The following MED13 variants were observed in gnomAD, a reference collection of about 807,000 sequenced individuals.
MED13 encodes the protein mediator complex subunit 13.
MED13 carries 23 observed loss-of-function variants against 225.2 expected under a neutral mutation model. The observed-to-expected ratio is 0.10, with a 90% confidence interval of 0.07 to 0.14. The LOEUF (loss-of-function observed/expected upper bound fraction) is 0.14, where lower values mean the gene tolerates loss of function less well. Ranked by LOEUF, MED13 falls within the 10% of genes least tolerant of loss-of-function variation. MED13 has a pLI of 1.00. For missense variants in MED13, 2,197 were observed against 2,594.5 expected, an observed-to-expected ratio of 0.85 and a Z score of 3.33; for synonymous variants, 942 against 889.2, an observed-to-expected ratio of 1.06 and a Z score of -1.06.
intron 9 of MED13, chr17:62,006,470 C>G (rs1197299371): frequency 6.6e-6 from 1 of 152,074 alleles, no homozygotes; most frequent in Non-Finnish European, 1.5e-5. Flanking sequence ...GTTGCCTTCC[C>G]TTCCAAAAAT....
intron 27 of MED13, among the ~76,000 whole-genome samples, chr17:61,952,243 G>A (rs964089283): frequency 3.9e-5 from 6 of 152,074 alleles, no homozygotes; most frequent in Admixed American, 1.3e-4. Flanking sequence ...AGCCCAGTTC[G>A]TTTTTACTTC....
Position 61,971,283 on chromosome 17 carries a change from T to C in MED13, c.3967+1444A>G, listed in dbSNP as rs563889035. Among the ~76,000 whole-genome samples the C allele has an allele frequency of 5.4e-4, 82 of 151,112 alleles. 1 individual carries two copies. The highest frequency in any genetic ancestry group is 5.4e-3 in the Admixed American group (82 of 15,202). On this transcript the variant is annotated intron_variant, in intron 17 of 29. Transcript: ENST00000397786. ...AAATAAATAAATATCTACTTTTTTT[T>C]TTTTTTTTTTGAGATGGAGTTTCGC...
chr17:62,061,774 A>G (rs1421104578), intron 2 of MED13, among the ~76,000 whole-genome samples: 3 of 152,236 alleles, frequency 2.0e-5, no homozygotes, highest in Non-Finnish European at 4.4e-5. Context: ...ATGTACATAT[A>G]TGTATATACA....
intron 16 of MED13, among the ~76,000 whole-genome samples, chr17:61,980,299 C>CT (rs1250247215): frequency 2.0e-5 from 3 of 152,092 alleles, no homozygotes; most frequent in Non-Finnish European, 4.4e-5. Context: ...CCTTTTCTCC[C>CT]TCCCCACTTA....
chr17:61,960,153 A>G (rs374790205), intron 23 of MED13, among the ~76,000 whole-genome samples: 4 of 152,208 alleles, frequency 2.6e-5, no homozygotes, highest in East Asian at 3.8e-4. Context: ...TTATTAAGTG[A>G]TAACTCAAAA....
chr17:61,979,203 A>T (rs1294613187), intron 16 of MED13, among the ~76,000 whole-genome samples: 2 of 152,222 alleles, frequency 1.3e-5, no homozygotes, highest in African/African-American at 4.8e-5. Context: ...TCCTCTCCTC[A>T]ATAGTATCAC....
chr17:62,022,936 G>A (rs1003399153), intron 8 of MED13, among the ~76,000 whole-genome samples: 4 of 151,832 alleles, frequency 2.6e-5, no homozygotes, highest in African/African-American at 9.7e-5. Context: ...TTTCAGCCCA[G>A]GAGTTTGAGG....
In MED13 at chr17:61,965,463, A is replaced by G; in HGVS notation, c.4387T>C (p.Tyr1463His). ...AQVCRYDLGP[Y>H]LASLPLDSSL... is the part of the protein sequence containing the mutation. ...CTGTCCAATGGCAGGGAAGCAAGATAAGGACCTAAAGAATAAAAACAGGTA... is the reference window on the plus strand; with the variant it reads ...CTGTCCAATGGCAGGGAAGCAAGATGAGGACCTAAAGAATAAAAACAGGTA... The change falls in exon 20 of 30, where the codon TAT becomes CAT. Residue 1463 changes from tyrosine to histidine, a missense_variant. Tyr to His is a moderately conservative substitution (Grantham distance 83). Transcript: ENST00000397786. 1 of 1,602,296 alleles carries G rather than the reference A, an allele frequency of 6.2e-7. No individual in the cohort carries two copies. The highest frequency in any genetic ancestry group is 1.1e-5 in the South Asian group (1 of 89,338).
intron 12 of MED13, 24 bp downstream of exon 12, chr17:61,986,983 C>A: frequency 1.4e-6 from 2 of 1,464,540 alleles, no homozygotes; most frequent in Non-Finnish European, 1.8e-6. Context: ...AAATTATAAT[C>A]CTATTCATTA....
At chr17:62,054,737 T>C (rs1332588648) in intron 2 of MED13, among the ~76,000 whole-genome samples, 1 of 152,228 alleles carries the variant, frequency 6.6e-6, no homozygotes, top group Non-Finnish European at 1.5e-5. Context: ...TACTAGAATA[T>C]ACATGTTCTT....
Position 61,972,898 on chromosome 17 carries a change from T to C in MED13, c.3806-10A>G. ...CACTGCATACTCACATCTACAAGCATTTTAAAAAAAACAAGTAATTAAGAA... is the reference window on the plus strand; with the variant it reads ...CACTGCATACTCACATCTACAAGCACTTTAAAAAAAACAAGTAATTAAGAA... On this transcript the variant is annotated splice_polypyrimidine_tract_variant and intron_variant, in intron 16 of 29. Transcript: ENST00000397786. 1 of 1,564,742 alleles carries C rather than the reference T, an allele frequency of 6.4e-7. No homozygotes were observed. The highest frequency in any genetic ancestry group is 8.6e-7 in the Non-Finnish European group (1 of 1,162,058).
chr17:61,986,291 TGA>T (rs1040730870), intron 12 of MED13, among the ~76,000 whole-genome samples: 27 of 152,276 alleles, frequency 1.8e-4, no homozygotes, highest in Middle Eastern at 3.4e-3. Context: ...ATATATATGT[TGA>T]GAGAGGACTA....
intron 8 of MED13, 178 bp downstream of exon 8, chr17:62,029,363 T>G: frequency 1.7e-6 from 1 of 579,852 alleles, no homozygotes; most frequent in East Asian, 2.8e-5. Context: ...TGAAAGCTTA[T>G]ATTTACATGT....
chr17:61,998,581 A>G (rs2080365580), intron 9 of MED13, among the ~76,000 whole-genome samples: 1 of 151,500 alleles, frequency 6.6e-6, no homozygotes, highest in Non-Finnish European at 1.5e-5. Context: ...AATAATGTCA[A>G]AATCTTCCCA....
chr17:62,028,725 G>A (rs995785362), intron 8 of MED13, among the ~76,000 whole-genome samples: 4 of 151,400 alleles, frequency 2.6e-5, no homozygotes, highest in African/African-American at 9.7e-5. Flanking sequence ...GGCGCCTGTA[G>A]TCCCAGCTAC....
chr17:62,063,137 T>C lies in MED13; in HGVS notation c.231A>G (p.Arg77=). Residue 77 remains arginine (R), a synonymous_variant, in exon 2 of 30, where the codon AGA becomes AGG. Transcript: ENST00000397786. ...CCCACCAAAATATCCACAATTCTCT[T>C]CTTCCAGGTCTTTGATCTCGCCGCC... ...GVWRRDQRPG[R]RELWIFWWGE... is the part of the protein sequence containing the mutation. 6.2e-7 allele frequency: 1 copy of C among 1,614,176 alleles called. No homozygotes were observed. The highest frequency in any genetic ancestry group is 8.5e-7 in the Non-Finnish European group (1 of 1,180,004).
chr17:62,008,317 CAAAAAAAAAAAAAA>C (rs766909961), intron 9 of MED13, among the ~76,000 whole-genome samples: 3 of 33,208 alleles, frequency 9.0e-5, no homozygotes, highest in Admixed American at 7.4e-4. Context: ...GGCTCTGTCT[CAAAAAAAAAAAAAA>C]AAAAAAAAAA....
intron 20 of MED13, among the ~76,000 whole-genome samples, chr17:61,963,523 C>T (rs2080025939): frequency 6.6e-6 from 1 of 151,966 alleles, no homozygotes; most frequent in East Asian, 1.9e-4. Flanking sequence ...CCAGGTTGGT[C>T]TTGAACTCTT....
At chr17:62,052,448 T>C (rs1467782789) in intron 3 of MED13, 89 bp downstream of exon 3, 1 of 987,046 alleles carries the variant, frequency 1.0e-6, no homozygotes, top group African/African-American at 1.6e-5. Flanking sequence ...TATGTCTGTA[T>C]ATTAGCTTGT....
Sources: allele counts gnomAD v4.1 joint callset (sites outside exome capture counted in the v4.1 genomes callset), GRCh38; gene constraint gnomAD v4.1.1; transcripts MANE v1.5; gene names NCBI Gene and HGNC (gene_info 2026-07-23, HGNC 2026-07-21).